MCTP2: variants seen among roughly 807,000 people sequenced by gnomAD.
The protein encoded by MCTP2 is multiple C2 and transmembrane domain containing 2.
Under a neutral mutation model 111.6 loss-of-function variants are expected in MCTP2, and 132 were observed. The observed-to-expected ratio is 1.18, with a 90% confidence interval of 1.03 to 1.37. The LOEUF is 1.37. Among genes scored for constraint, MCTP2 ranks in the 40% most tolerant of loss-of-function variants. MCTP2 has a pLI of 0.00. For missense variants in MCTP2, 1,183 were observed against 1,067.9 expected, an observed-to-expected ratio of 1.11 and a Z score of -1.50; for synonymous variants, 395 against 387.7, an observed-to-expected ratio of 1.02 and a Z score of -0.22.
At chr15:94,245,342 A>G (rs1157297071) in intron 1 of MCTP2, among the ~76,000 whole-genome samples, 2 of 134,920 alleles carry the variant, frequency 1.5e-5, no homozygotes, top group African/African-American at 5.3e-5. Flanking sequence ...ATGTGTAGAT[A>G]TTTACATACA....
At chr15:94,248,727 T>G (rs1015428621) in intron 1 of MCTP2, among the ~76,000 whole-genome samples, 1 of 152,210 alleles carries the variant, frequency 6.6e-6, no homozygotes, top group Non-Finnish European at 1.5e-5. Context: ...TTACGAAATT[T>G]GAATTGTTTG....
At chr15:94,390,584 C>G (rs1017932965) in intron 14 of MCTP2, among the ~76,000 whole-genome samples, 1 of 152,056 alleles carries the variant, frequency 6.6e-6, no homozygotes, top group African/African-American at 2.4e-5. Context: ...CAAAATTACC[C>G]AATGGACCCA....
At position 94,464,260 on chromosome 15, in the gene MCTP2, TATA is replaced by T. The variant is rs1567764890; in HGVS notation, c.2360+6015_2360+6017del. On this transcript the variant is annotated intron_variant, in intron 20 of 22. Coordinates refer to ENST00000357742, the MANE Select transcript of MCTP2 (RefSeq NM_001385001.1). ...ATATAATATATATATATATATATTA[TATA>T]TATATATATATATATAAACGTCAGC... Among the ~76,000 whole-genome samples, 8 of 38,712 alleles carry T rather than the reference TATA, an allele frequency of 2.1e-4. 1 individual carries two copies. Among genetic ancestry groups the T allele is most frequent in the Non-Finnish European group, 2.9e-4 (5 of 17,458 alleles). The allele number at this position is 38,712 out of a possible 152,430, so 25.4% of individuals were successfully genotyped here.
At chr15:94,445,703 C>T (rs1324162500) in intron 19 of MCTP2, among the ~76,000 whole-genome samples, 1 of 152,144 alleles carries the variant, frequency 6.6e-6, no homozygotes, top group African/African-American at 2.4e-5. Context: ...CTCACTGAGC[C>T]CTTCTGGCTT....
At chr15:94,235,243 A>G (rs1596114848) in intron 1 of MCTP2, among the ~76,000 whole-genome samples, 2 of 138,210 alleles carry the variant, frequency 1.4e-5, no homozygotes, top group Middle Eastern at 3.6e-3. Flanking sequence ...GACAAGAGCG[A>G]AACTCCGTCT....
chr15:94,358,995 C>T (rs542569635), intron 10 of MCTP2, among the ~76,000 whole-genome samples: 43 of 152,282 alleles, frequency 2.8e-4, no homozygotes, highest in African/African-American at 8.7e-4. Flanking sequence ...GGAAGCATTT[C>T]GCTGTCCTTG....
At chr15:94,451,101 C>T (rs981850321) in intron 19 of MCTP2, among the ~76,000 whole-genome samples, 8 of 152,074 alleles carry the variant, frequency 5.3e-5, no homozygotes, top group African/African-American at 1.4e-4. Context: ...TGTGTTACAA[C>T]ACAGACACAT....
At position 94,367,746 on chromosome 15, in the gene MCTP2, C is replaced by T; in HGVS notation, c.1443C>T (p.Cys481=). ...TCTCCGTCTCTGATCTGTGTGTCTG[C>T]CCCTTAGCAGACCTCAGCGAAAGAA... ...AGVSVSDLCV[C]PLADLSERKQ... is the part of the protein sequence containing the mutation. Residue 481 remains cysteine, a synonymous_variant, in exon 11 of 23, where the codon TGC becomes TGT. Coordinates refer to ENST00000357742, the MANE Select transcript of MCTP2 (RefSeq NM_001385001.1). 1.2e-6 allele frequency: 2 copies of T among 1,607,974 alleles called. No individual in the cohort carries two copies. The highest frequency in any genetic ancestry group is 1.7e-6 in the Non-Finnish European group (2 of 1,177,392).
At chr15:94,468,169 A>C (rs2073568486) in intron 20 of MCTP2, among the ~76,000 whole-genome samples, 1 of 151,734 alleles carries the variant, frequency 6.6e-6, no homozygotes, top group Non-Finnish European at 1.5e-5. Flanking sequence ...GAAATCACTG[A>C]GGAAAAAGTT....
chr15:94,457,451 GATGA>G (rs1331056185), intron 19 of MCTP2, among the ~76,000 whole-genome samples: 16 of 152,160 alleles, frequency 1.1e-4, no homozygotes, highest in Admixed American at 2.0e-4. Flanking sequence ...AATTACGGAA[GATGA>G]ATTTGTATTT....
intron 21 of MCTP2, 56 bp from the exon 22 acceptor site, chr15:94,476,639 GA>G (rs2074379677): frequency 9.0e-6 from 8 of 886,974 alleles, no homozygotes; most frequent in Non-Finnish European, 1.3e-5. Flanking sequence ...TAGATAGATA[GA>G]TAGATAGATA....
At chr15:94,240,005 AATT>A (rs2070824391) in intron 1 of MCTP2, among the ~76,000 whole-genome samples, 1 of 152,038 alleles carries the variant, frequency 6.6e-6, no homozygotes, top group African/African-American at 2.4e-5. Flanking sequence ...CAAGATCCAG[AATT>A]ATTATTTTAT....
chr15:94,238,631 T>C (rs766976726), intron 1 of MCTP2, among the ~76,000 whole-genome samples: 27 of 151,876 alleles, frequency 1.8e-4, no homozygotes, highest in Admixed American at 6.6e-4. Flanking sequence ...GAGCTTACAG[T>C]TGAGAGGGGA....
chr15:94,397,278 A>G (rs774612370), intron 14 of MCTP2, among the ~76,000 whole-genome samples: 8 of 152,300 alleles, frequency 5.3e-5, no homozygotes, highest in Admixed American at 1.3e-4. Context: ...TCATTTACCA[A>G]ATTAAAAAAT....
intron 1 of MCTP2, among the ~76,000 whole-genome samples, chr15:94,262,127 ATAAATT>A (rs539421513): frequency 8.5e-5 from 13 of 152,322 alleles, no homozygotes; most frequent in African/African-American, 3.1e-4. Context: ...TAATTAAAAA[ATAAATT>A]TAAAGAGCTT....
In MCTP2 at chr15:94,413,121, T is replaced by A. The variant is rs146750324; in HGVS notation, c.2085+11102T>A. 3.3e-5 allele frequency among the ~76,000 whole-genome samples: 5 copies of A among 152,326 alleles called. No individual in the cohort carries two copies. In the East Asian group the frequency reaches 9.6e-4, roughly 29 times the overall value. The stretch of plus-strand genomic sequence containing the variant: ...AATAACAAATAGCTTGGCAATCGCT[T>A]GAGTTTACTTAAAGATAGTCCTGCA... On this transcript the variant is annotated intron_variant, in intron 17 of 22. Transcript: ENST00000357742.
At chr15:94,467,945 G>A (rs2073537308) in intron 20 of MCTP2, among the ~76,000 whole-genome samples, 1 of 152,204 alleles carries the variant, frequency 6.6e-6, no homozygotes, top group Non-Finnish European at 1.5e-5. Context: ...GAAAAATAGT[G>A]ATTAATCAGT....
At chr15:94,375,947 G>C (rs1454908014) in intron 12 of MCTP2, among the ~76,000 whole-genome samples, 2 of 152,138 alleles carry the variant, frequency 1.3e-5, no homozygotes, top group Non-Finnish European at 2.9e-5. Context: ...AGGAAAGTCA[G>C]CTTGGGGGCA....
chr15:94,435,752 C>T (rs1412065492), intron 17 of MCTP2, among the ~76,000 whole-genome samples: 1 of 137,184 alleles, frequency 7.3e-6, no homozygotes, highest in African/African-American at 2.6e-5. Context: ...CTGCCTCAGC[C>T]TCCCGAGTAG....
Sources: gnomAD v4.1 joint callset for allele counts (sites outside exome capture counted in the v4.1 genomes callset) on GRCh38, gnomAD v4.1.1 for gene constraint, MANE v1.5 for transcripts, NCBI Gene and HGNC (gene_info 2026-07-23, HGNC 2026-07-21) for gene names.